Variants in PDE1C observed in about 807,000 individuals in gnomAD.
PDE1C encodes the protein dual specificity calcium/calmodulin-dependent 3',5'-cyclic nucleotide phosphodiesterase 1C.
PDE1C carries 62 observed loss-of-function variants against 93.1 expected under a neutral mutation model. That is an observed-to-expected ratio of 0.67 (90% CI 0.54 to 0.82). The LOEUF (loss-of-function observed/expected upper bound fraction) is 0.82, where lower values mean the gene tolerates loss of function less well. Among genes scored for constraint, PDE1C ranks in the 40% least tolerant of loss-of-function variants. The pLI, the probability that PDE1C is intolerant of heterozygous loss-of-function variation, is 0.00. For synonymous variants in PDE1C, 325 were observed against 310.1 expected, an observed-to-expected ratio of 1.05 and a Z score of -0.50; for missense variants, 742 against 884.6, an observed-to-expected ratio of 0.84 and a Z score of 2.04.
At chr7:31,683,374 GTATT>G in the PDE1C span, among the ~76,000 whole-genome samples, 1 of 151,870 alleles carries the variant, frequency 6.6e-6, no homozygotes, top group Non-Finnish European at 1.5e-5. Flanking sequence ...ATTTTAGTAG[GTATT>G]TATTGTTTAA....
chr7:32,064,100 C>A (rs905662879), intron 1 of PDE1C, among the ~76,000 whole-genome samples: 1 of 152,122 alleles, frequency 6.6e-6, no homozygotes, highest in African/African-American at 2.4e-5. Flanking sequence ...TTAAAGTATT[C>A]TCCTGGAATT....
chr7:32,075,586 TAGAAAAA>T (rs573249346), upstream of PDE1C, among the ~76,000 whole-genome samples: 497 of 152,118 alleles, frequency 3.3e-3, 8 homozygotes, highest in Non-Finnish European at 9.0e-4. Flanking sequence ...CCACCTTCCC[TAGAAAAA>T]AGAGGTGAAA....
chr7:32,210,214 T>C (rs1411424594), intron 1 of PDE1C, among the ~76,000 whole-genome samples: 1 of 152,214 alleles, frequency 6.6e-6, no homozygotes, highest in African/African-American at 2.4e-5. Context: ...CCCATTGTAT[T>C]GGGTAAAAGA....
chr7:32,156,801 G>C (rs561802251), intron 3 of PDE1C, among the ~76,000 whole-genome samples: 4 of 152,332 alleles, frequency 2.6e-5, no homozygotes, highest in Admixed American at 6.5e-5. Context: ...TAGAACCACT[G>C]CAAGTTTGTT....
chr7:31,915,318 T>A (rs1801744891), intron 2 of PDE1C, among the ~76,000 whole-genome samples: 1 of 152,130 alleles, frequency 6.6e-6, no homozygotes, highest in African/African-American at 2.4e-5. Flanking sequence ...GCCTCCAGTA[T>A]TTCCAACACT....
chr7:32,065,143 A>G (rs981158321), intron 1 of PDE1C, among the ~76,000 whole-genome samples: 1 of 152,040 alleles, frequency 6.6e-6, no homozygotes, highest in Admixed American at 6.6e-5. Flanking sequence ...AAACAGACCC[A>G]ACCATACTCT....
intron 3 of PDE1C, among the ~76,000 whole-genome samples, chr7:32,078,900 T>C (rs1038209679): frequency 9.3e-5 from 14 of 151,182 alleles, no homozygotes; most frequent in Non-Finnish European, 1.9e-4. Context: ...CACTCCAGCC[T>C]TGGCAACAGA....
intron 2 of PDE1C, among the ~76,000 whole-genome samples, chr7:32,170,616 T>C (rs1482451838): frequency 6.6e-6 from 1 of 152,176 alleles, no homozygotes; most frequent in Non-Finnish European, 1.5e-5. Flanking sequence ...TCACTTTTGC[T>C]TTGTGTATTA....
At chr7:32,027,168 G>T (rs186629987) in intron 2 of PDE1C, among the ~76,000 whole-genome samples, 2 of 152,090 alleles carry the variant, frequency 1.3e-5, no homozygotes, top group East Asian at 3.9e-4. Context: ...TCTGAACTTC[G>T]GGCGAGAATG....
intron 1 of PDE1C, among the ~76,000 whole-genome samples, chr7:32,336,704 A>G (rs1247840586): frequency 6.6e-6 from 1 of 152,220 alleles, no homozygotes; most frequent in Non-Finnish European, 1.5e-5. Flanking sequence ...AATAGTCTTT[A>G]GCTTTTAGAA....
At chr7:31,620,476 C>T in the PDE1C span, among the ~76,000 whole-genome samples, 299 of 151,248 alleles carry the variant, frequency 2.0e-3, 2 homozygotes, top group African/African-American at 6.2e-3. Flanking sequence ...CTGCAGACAC[C>T]ACTGCTGATA....
intron 3 of PDE1C, among the ~76,000 whole-genome samples, chr7:32,104,140 T>G (rs896311090): frequency 2.0e-5 from 3 of 152,144 alleles, no homozygotes; most frequent in Non-Finnish European, 4.4e-5. Flanking sequence ...GCAGTAACAT[T>G]TCCAAGAATA....
At chr7:32,270,229 T>C (rs1199952031) in intron 1 of PDE1C, among the ~76,000 whole-genome samples, 1 of 151,900 alleles carries the variant, frequency 6.6e-6, no homozygotes, top group African/African-American at 2.4e-5. Flanking sequence ...CTCTAGGTGG[T>C]GAAATTTAGA....
the PDE1C span, among the ~76,000 whole-genome samples, chr7:31,623,120 C>G: frequency 6.6e-6 from 1 of 152,110 alleles, no homozygotes; most frequent in Non-Finnish European, 1.5e-5. Flanking sequence ...CAGTAGCTTA[C>G]CAACCAAAAA....
chr7:31,786,935 AT>A lies in PDE1C; in HGVS notation c.1892-11204del, dbSNP rs1364057586. The A allele has an allele frequency of 1.6e-4, 16 of 102,640 alleles. No homozygotes were observed. The East Asian group carries it at 4.0e-3, about 26-fold the overall frequency. 6.4% of individuals were successfully genotyped at this position (102,640 alleles called of 1,614,324 possible). A position where few individuals can be genotyped will look rare whatever the true frequency, so the allele number is the denominator to read the frequency against. On this transcript the variant is annotated intron_variant, in intron 16 of 17. Transcript: ENST00000396191. ...TATCTATCTATCTATCTATCTATCT[AT>A]CTATCTATCTATCTATCTATCATCT...
At chr7:32,170,639 GC>G (rs1211398649) in intron 2 of PDE1C, among the ~76,000 whole-genome samples, 1 of 152,070 alleles carries the variant, frequency 6.6e-6, no homozygotes, top group Non-Finnish European at 1.5e-5. Flanking sequence ...CATGTTTCTA[GC>G]TTCCACAAAC....
At chr7:31,931,344 G>A (rs2128981121) in intron 2 of PDE1C, among the ~76,000 whole-genome samples, 1 of 152,232 alleles carries the variant, frequency 6.6e-6, no homozygotes, top group East Asian at 1.9e-4. Flanking sequence ...AAACTGCATT[G>A]TCTCAGCCCA....
intron 3 of PDE1C, among the ~76,000 whole-genome samples, chr7:32,151,077 A>C (rs1463490303): frequency 6.6e-6 from 1 of 152,148 alleles, no homozygotes; most frequent in Non-Finnish European, 1.5e-5. Context: ...TCCTAAAAAC[A>C]TTACTTACTC....
chr7:32,419,738 G>A (rs568747859), intron 1 of PDE1C, among the ~76,000 whole-genome samples: 2 of 152,058 alleles, frequency 1.3e-5, no homozygotes, highest in African/African-American at 4.8e-5. Flanking sequence ...TGCTAACATA[G>A]ATGCAAAAGA....
Sources: allele counts gnomAD v4.1 joint callset (sites outside exome capture counted in the v4.1 genomes callset), GRCh38; gene constraint gnomAD v4.1.1; transcripts MANE v1.5; gene names NCBI Gene and HGNC (gene_info 2026-07-23, HGNC 2026-07-21).